ABCA4: variants seen among roughly 807,000 people sequenced by gnomAD.
ABCA4 encodes the protein ATP binding cassette subfamily A member 4, also known as retinal-specific phospholipid-transporting ATPase ABCA4.
Under a neutral mutation model 263.7 loss-of-function variants are expected in ABCA4, and 196 were observed. The observed-to-expected ratio is 0.74, with a 90% CI of 0.66 to 0.84. ABCA4 has a LOEUF of 0.84. ABCA4 is among the 40% of genes least tolerant of loss of function. The probability of loss-of-function intolerance (pLI) is 0.00; values close to 1 mark genes in which losing one functional copy is unlikely to be tolerated. For synonymous variants in ABCA4, 1,133 were observed against 1,094.2 expected, an observed-to-expected ratio of 1.04 and a Z score of -0.70; for missense variants, 2,792 against 2,855.1, an observed-to-expected ratio of 0.98 and a Z score of 0.50.
intron 30 of ABCA4, among the ~76,000 whole-genome samples, 179 bp from the exon 31 acceptor site, chr1:94,025,227 C>T (rs1237955679): frequency 6.6e-6 from 1 of 152,180 alleles, no homozygotes; most frequent in Admixed American, 6.5e-5. Flanking sequence ...ATCTTTGATG[C>T]CTCTTTTTTC....
rs41292683 is a variant in ABCA4, at chr1:94,061,532, T to C, written c.1938-773A>G. The C allele has an allele frequency of 0.033, 5,034 of 152,844 alleles. 129 individuals carry two copies. The highest frequency in any genetic ancestry group is 0.046 in the Non-Finnish European group (3,149 of 68,406). 9.5% of individuals were successfully genotyped at this position (152,844 alleles called of 1,614,324 possible). A position where few individuals can be genotyped will look rare whatever the true frequency, so the allele number is the denominator to read the frequency against. ...TCACTGAAAGGGCCCAATTCCAGCA[T>C]GGGAGGGTTTCACTCAAGGTGGCCC... On this transcript the variant is annotated intron_variant, in intron 13 of 49. Coordinates refer to ENST00000370225, the MANE Select transcript of ABCA4 (RefSeq NM_000350.3).
At chr1:94,076,439 A>C (rs1170006451) in intron 11 of ABCA4, among the ~76,000 whole-genome samples, 3 of 152,214 alleles carry the variant, frequency 2.0e-5, no homozygotes, top group Non-Finnish European at 2.9e-5. Context: ...CCTGAACTTC[A>C]TTATTTATGT....
Position 94,121,114 on chromosome 1 carries a change from C to A in ABCA4, c.-69G>T, listed in dbSNP as rs1354172061. ...CTCAGACAGCAAAGGACATAAACGC[C>A]GTTAAGAGCGCCTCTGGCTCCGGAC... On this transcript the variant is annotated 5_prime_UTR_variant, in exon 1 of 50. Transcript: ENST00000370225. The A allele has an allele frequency of 6.9e-7, 1 of 1,439,028 alleles. No homozygotes were observed. Among genetic ancestry groups the A allele is most frequent in the Non-Finnish European group, 9.8e-7 (1 of 1,020,696 alleles). The allele number at this position is 1,439,028 out of a possible 1,614,324, so 89.1% of individuals were successfully genotyped here. A position where few individuals can be genotyped will look rare whatever the true frequency, so the allele number is the denominator to read the frequency against.
intron 16 of ABCA4, among the ~76,000 whole-genome samples, chr1:94,053,383 G>A (rs1299371416): frequency 1.3e-5 from 2 of 152,116 alleles, no homozygotes; most frequent in Admixed American, 1.3e-4. Flanking sequence ...GAATTGGTTG[G>A]TGCCAAAACA....
At chr1:94,064,032 C>G (rs1445584538) in intron 11 of ABCA4, among the ~76,000 whole-genome samples, 1 of 152,072 alleles carries the variant, frequency 6.6e-6, no homozygotes, top group Non-Finnish European at 1.5e-5. Context: ...TGTTAAAGCA[C>G]TTATATTGCT....
intron 38 of ABCA4, among the ~76,000 whole-genome samples, chr1:94,012,589 ATTAT>A (rs1659576464): frequency 6.6e-6 from 1 of 152,148 alleles, no homozygotes; most frequent in African/African-American, 2.4e-5. Context: ...TAGGCACTTC[ATTAT>A]TTATTAAATG....
chr1:94,004,017 G>T (rs10874828), intron 44 of ABCA4, among the ~76,000 whole-genome samples: 28,293 of 151,972 alleles, frequency 0.19, 4,584 homozygotes, highest in African/African-American at 0.44. Context: ...TGCCATTCCA[G>T]CCCTGGAACT....
intron 1 of ABCA4, among the ~76,000 whole-genome samples, chr1:94,117,511 G>A (rs1662823647): frequency 6.6e-6 from 1 of 152,118 alleles, no homozygotes; most frequent in Non-Finnish European, 1.5e-5. Flanking sequence ...CAGAAGCTGG[G>A]ATGAAGGGAT....
chr1:93,998,326 C>T (rs1398883739), intron 47 of ABCA4, among the ~76,000 whole-genome samples: 5 of 151,780 alleles, frequency 3.3e-5, no homozygotes, highest in Non-Finnish European at 2.9e-5. Flanking sequence ...CCTGTCTCTA[C>T]GAAAATTAGC....
At chr1:94,042,561 A>C (rs962559476) in intron 22 of ABCA4, among the ~76,000 whole-genome samples, 200 bp downstream of exon 22, 8 of 152,184 alleles carry the variant, frequency 5.3e-5, no homozygotes, top group African/African-American at 1.9e-4. Flanking sequence ...TTGCATCATC[A>C]GTGATTCTCT....
At chr1:94,086,964 C>A (rs1246090692) in intron 6 of ABCA4, among the ~76,000 whole-genome samples, 1 of 152,166 alleles carries the variant, frequency 6.6e-6, no homozygotes, top group African/African-American at 2.4e-5. Context: ...GCTGGGAAGT[C>A]TAAGATCAAG....
At chr1:93,995,996 G>T in intron 49 of ABCA4, 113 bp downstream of exon 49, 2 of 901,912 alleles carry the variant, frequency 2.2e-6, no homozygotes, top group African/African-American at 1.6e-5. Flanking sequence ...TGTGGGTGGG[G>T]CTCTCTGTAG....
At chr1:94,102,673 A>G (rs1226623940) in intron 5 of ABCA4, among the ~76,000 whole-genome samples, 1 of 152,118 alleles carries the variant, frequency 6.6e-6, no homozygotes, top group Non-Finnish European at 1.5e-5. Context: ...GTGTTCTAGT[A>G]CCTACAACTG....
At chr1:94,079,255 A>T (rs1661620484) in intron 9 of ABCA4, 67 bp downstream of exon 9, 2 of 1,576,544 alleles carry the variant, frequency 1.3e-6, no homozygotes, top group Non-Finnish European at 8.7e-7. Flanking sequence ...TCTCTCACAC[A>T]CACACACACA....
chr1:93,993,330 A>T, intron 49 of ABCA4, 88 bp from the exon 50 acceptor site: 2 of 1,581,972 alleles, frequency 1.3e-6, no homozygotes, highest in South Asian at 2.2e-5. Context: ...AACAGTTGTC[A>T]ATCAATTTCT....
rs1660702072 is a variant in ABCA4, at chr1:94,046,985, A to G, written c.2852T>C (p.Ile951Thr). 6.2e-7 allele frequency: 1 copy of G among 1,614,180 alleles called. No homozygotes were observed. The highest frequency in any genetic ancestry group is 1.1e-5 in the South Asian group (1 of 91,082). Residue 951 changes from isoleucine (I) to threonine (T), a missense_variant, in exon 19 of 50, where the codon ATC (isoleucine) becomes ACC (threonine). Transcript: ENST00000370225. ...CGRPAVDRLN[I>T]TFYENQITAF... Reference sequence around the variant, plus strand: ...GGTGATCTGGTTCTCGTAGAAGGTGATGTTCAGACGGTCCACAGCTGGCCG... The same window carrying G: ...GGTGATCTGGTTCTCGTAGAAGGTGGTGTTCAGACGGTCCACAGCTGGCCG...
Position 94,008,313 on chromosome 1 carries a change from A to C in ABCA4, c.5836-16T>G. 1.2e-6 allele frequency: 2 copies of C among 1,613,382 alleles called. No individual in the cohort carries two copies. The highest frequency in any genetic ancestry group is 1.7e-6 in the Non-Finnish European group (2 of 1,179,298). ...CTGGATAAATCTGCAAGATACGAAG[A>C]AACCGGACTGAGAACTGAGACAGGG... On this transcript the variant is annotated splice_polypyrimidine_tract_variant and intron_variant, in intron 41 of 49. Transcript: ENST00000370225.
intron 19 of ABCA4, 96 bp from the exon 20 acceptor site, chr1:94,044,840 G>T (rs1251302751): frequency 6.3e-7 from 1 of 1,587,990 alleles, no homozygotes; most frequent in Non-Finnish European, 8.6e-7. Context: ...AACTCTCACA[G>T]ATTCCTGCCT....
intron 6 of ABCA4, among the ~76,000 whole-genome samples, chr1:94,088,548 C>T (rs1023881659): frequency 2.6e-5 from 4 of 152,240 alleles, no homozygotes; most frequent in South Asian, 2.1e-4. Flanking sequence ...CATCGTCTTA[C>T]CCCAAACCAA....
Sources: allele counts gnomAD v4.1 joint callset (sites outside exome capture counted in the v4.1 genomes callset), GRCh38; gene constraint gnomAD v4.1.1; transcripts MANE v1.5; gene names NCBI Gene and HGNC (gene_info 2026-07-23, HGNC 2026-07-21).